Variants in LMO2 observed in about 807,000 individuals in gnomAD.
LMO2 encodes rhombotin-2.
A neutral mutation model predicts 23.2 loss-of-function variants in LMO2; 20 were observed. The ratio of observed to expected loss-of-function variants is 0.86; its 90% CI spans 0.61 to 1.25. The LOEUF (loss-of-function observed/expected upper bound fraction) is 1.25. LMO2 is among the 50% of genes most tolerant of loss of function. The pLI is 0.00. For synonymous variants in LMO2, 123 were observed against 130.2 expected (o/e 0.94, Z 0.38); for missense variants, 270 against 315.3 (o/e 0.86, Z 1.09).
intron 2 of LMO2, among the ~76,000 whole-genome samples, chr11:33,875,223 A>C (rs562774285): frequency 1.3e-5 from 2 of 152,318 alleles, no homozygotes; most frequent in South Asian, 4.1e-4. Context: ...CTTGGAGAGG[A>C]AAGTGGCACA....
intron 2 of LMO2, 102 bp from the exon 3 acceptor site, chr11:33,870,089 T>TA (rs1286039399): frequency 2.2e-5 from 6 of 275,900 alleles, no homozygotes; most frequent in South Asian, 1.5e-4. Context: ...TTTTTTTTTT[T>TA]AAACGGGGCT....
Position 33,869,995 on chromosome 11 carries a change from C to T in LMO2, c.-271-8G>A. On this transcript the variant is annotated splice_region_variant and splice_polypyrimidine_tract_variant and intron_variant, in intron 2 of 5. Transcript: ENST00000257818. ...GGTTTCATTTCCTTTTTCCTGATCA[C>T]GATTCAAATACAATAGAAGGAAATC... The T allele has an allele frequency of 1.0e-6, 1 of 1,003,702 alleles. No individual in the cohort carries two copies. The allele number at this position is 1,003,702 out of a possible 1,614,324, so 62.2% of individuals were successfully genotyped here. A position where few individuals can be genotyped will look rare whatever the true frequency, so the allele number is the denominator to read the frequency against.
In LMO2 at chr11:33,864,687, C is replaced by A. The variant is rs369459140; in HGVS notation, c.379G>T (p.Asp127Tyr). Reference sequence around the variant, plus strand: ...TCACCCAGCCGGCAGCCACAGAGGTCGCAGCTCAGGCAGTCCTCGTGCCAG... The same window carrying A: ...TCACCCAGCCGGCAGCCACAGAGGTAGCAGCTCAGGCAGTCCTCGTGCCAG... ...QYWHEDCLSC[D>Y]LCGCRLGEVG... Residue 127 changes from aspartate to tyrosine, a missense_variant, in exon 5 of 6, where the codon GAC becomes TAC. Asp to Tyr is a radical substitution (Grantham distance 160). Coordinates refer to ENST00000257818, the MANE Select transcript of LMO2 (RefSeq NM_005574.4). This position sits in a 1 kb window ranked among gnomAD's most constrained non-coding sequence, Gnocchi z 4.8. 6.2e-7 allele frequency: 1 copy of A among 1,613,944 alleles called. No homozygotes were observed. The highest frequency in any genetic ancestry group is 8.5e-7 in the Non-Finnish European group (1 of 1,180,048).
At chr11:33,867,635 T>C (rs1342998125) in intron 4 of LMO2, among the ~76,000 whole-genome samples, 1 of 152,220 alleles carries the variant, frequency 6.6e-6, no homozygotes, top group African/African-American at 2.4e-5. Context: ...TCAACTGGCT[T>C]GTCCCTCTTT....
At chr11:33,872,777 T>C (rs1857054962) in intron 2 of LMO2, among the ~76,000 whole-genome samples, 1 of 152,162 alleles carries the variant, frequency 6.6e-6, no homozygotes, top group African/African-American at 2.4e-5. Flanking sequence ...TGTTTGTTTT[T>C]TGAGATGGAG....
intron 2 of LMO2, chr11:33,881,497 C>T (rs371557274): frequency 7.0e-6 from 3 of 427,796 alleles, no homozygotes; most frequent in Admixed American, 4.9e-5. Flanking sequence ...GGGGCTGGCA[C>T]GGAATGGTAG....
At chr11:33,870,032 G>T in intron 2 of LMO2, 45 bp from the exon 3 acceptor site, 2 of 781,336 alleles carry the variant, frequency 2.6e-6, no homozygotes, top group Non-Finnish European at 3.1e-6. Context: ...CATTTAAAGA[G>T]ACAGCTGCCC....
Position 33,869,561 on chromosome 11 carries a change from G to T in LMO2, c.33C>A (p.Arg11=). The part of the protein sequence containing the change: MEGSAVTVLE[R]GGASSPAERR... ...GCTCCGCCGGCGAGCTCGCCCCTCCGCGCTCAAGGACAGTCACCGCGCTCC... is the reference window on the plus strand; with the variant it reads ...GCTCCGCCGGCGAGCTCGCCCCTCCTCGCTCAAGGACAGTCACCGCGCTCC... The change falls in exon 4 of 6, where the codon CGC becomes CGA. Residue 11 remains arginine (R), a synonymous_variant. Transcript: ENST00000257818. The T allele has an allele frequency of 7.7e-7, 1 of 1,291,970 alleles. No homozygotes were observed. The highest frequency in any genetic ancestry group is 2.0e-5 in the South Asian group (1 of 50,592). The allele number at this position is 1,291,970 out of a possible 1,614,324, so 80.0% of individuals were successfully genotyped here. A position where few individuals can be genotyped will look rare whatever the true frequency, so the allele number is the denominator to read the frequency against.
At chr11:33,875,093 C>T (rs1045511448) in intron 2 of LMO2, among the ~76,000 whole-genome samples, 7 of 152,216 alleles carry the variant, frequency 4.6e-5, no homozygotes, top group South Asian at 4.1e-4. Flanking sequence ...CATTCATTGA[C>T]CTTGGGCATG....
At chr11:33,887,222 T>A (rs890048190) in intron 1 of LMO2, among the ~76,000 whole-genome samples, 1 of 152,232 alleles carries the variant, frequency 6.6e-6, no homozygotes, top group Non-Finnish European at 1.5e-5. Context: ...TTTGTAGCTT[T>A]AAGAGAATAT....
chr11:33,872,613 A>G (rs1213136597), intron 2 of LMO2, among the ~76,000 whole-genome samples: 1 of 152,172 alleles, frequency 6.6e-6, no homozygotes, highest in Admixed American at 6.5e-5. Context: ...AAATTTGGAA[A>G]CTATTTCCTG....
chr11:33,861,150 C>T (rs1856564326), intron 5 of LMO2, among the ~76,000 whole-genome samples: 1 of 152,240 alleles, frequency 6.6e-6, no homozygotes, highest in Non-Finnish European at 1.5e-5. Flanking sequence ...TTTAACACAT[C>T]TTGGGTGTAT....
intron 1 of LMO2, among the ~76,000 whole-genome samples, chr11:33,887,418 C>T (rs549568550): frequency 6.6e-6 from 1 of 152,252 alleles, no homozygotes; most frequent in African/African-American, 2.4e-5. Context: ...TGACATATTG[C>T]ACCCACCCAT....
intron 3 of LMO2, 41 bp from the exon 4 acceptor site, chr11:33,869,627 G>A (rs966814897): frequency 4.0e-6 from 5 of 1,259,676 alleles, no homozygotes; most frequent in African/African-American, 3.2e-5. Flanking sequence ...CCGGGCTGCG[G>A]GCGCGCCGCG....
At chr11:33,874,746 C>T (rs956511078) in intron 2 of LMO2, among the ~76,000 whole-genome samples, 1 of 152,238 alleles carries the variant, frequency 6.6e-6, no homozygotes, top group African/African-American at 2.4e-5. Flanking sequence ...GTGCCCATTT[C>T]GGGGCCTGGG....
chr11:33,876,139 T>G (rs1857133225), intron 2 of LMO2, among the ~76,000 whole-genome samples: 2 of 152,208 alleles, frequency 1.3e-5, no homozygotes, highest in Non-Finnish European at 2.9e-5. Context: ...CATTCAGGTC[T>G]CTGTTCAAAT....
chr11:33,892,037 C>A lies in LMO2; in HGVS notation c.-578G>T, dbSNP rs1857568073. The A allele has an allele frequency of 6.6e-6, 1 of 152,244 alleles. No individual in the cohort carries two copies. Among genetic ancestry groups the A allele is most frequent in the Non-Finnish European group, 1.5e-5 (1 of 68,104 alleles). 9.4% of individuals were successfully genotyped at this position (152,244 alleles called of 1,614,324 possible). On this transcript the variant is annotated 5_prime_UTR_variant, in exon 1 of 6. Coordinates refer to ENST00000257818, the MANE Select transcript of LMO2 (RefSeq NM_005574.4). ...ATTTCCTTCTCAATTCTGCTCAAGG[C>A]CCGTTGCTGTTCTTTGAGGATGTTG...
chr11:33,859,417 T>C lies in LMO2; in HGVS notation c.623A>G (p.Asn208Ser). Residue 208 changes from asparagine to serine, a missense_variant, in exon 6 of 6, where the codon AAC (asparagine) becomes AGC (serine). Around this residue, in one of 2 missense-constraint regions of LMO2, gnomAD observed 100 missense variants for 153.3 expected, o/e 0.65. Transcript: ENST00000257818. ...FCVGDRYLLI[N>S]SDIVCEQDIY... ...GTCCTGTTCGCACACTATGTCAGAGTTGATGAGGAGGTATCTGTCACCTAC... is the reference window on the plus strand; with the variant it reads ...GTCCTGTTCGCACACTATGTCAGAGCTGATGAGGAGGTATCTGTCACCTAC... The C allele has an allele frequency of 6.2e-7, 1 of 1,614,010 alleles. No homozygotes were observed. Among genetic ancestry groups the C allele is most frequent in the South Asian group, 1.1e-5 (1 of 91,068 alleles).
Position 33,880,271 on chromosome 11 carries a change from CACATGATAT to C in LMO2, c.-272+1544_-272+1552del, listed in dbSNP as rs201067828. On this transcript the variant is annotated intron_variant, in intron 2 of 5. Coordinates refer to ENST00000257818, the MANE Select transcript of LMO2 (RefSeq NM_005574.4). This position sits in a 1 kb window ranked among gnomAD's most constrained non-coding sequence, Gnocchi z 4.3. The stretch of plus-strand genomic sequence containing the variant: ...ACACATGATATATATATCATACATA[CACATGATAT>C]ATATCATATATATCATATATATACA... 1.5e-3 allele frequency among the ~76,000 whole-genome samples: 205 copies of C among 132,586 alleles called. 1 individual carries two copies. The highest frequency in any genetic ancestry group is 7.0e-3 in the African/African-American group (204 of 29,076). 87.0% of individuals were successfully genotyped at this position (132,586 alleles called of 152,430 possible). A position where few individuals can be genotyped will look rare whatever the true frequency, so the allele number is the denominator to read the frequency against.
Sources: allele counts gnomAD v4.1 joint callset (sites outside exome capture counted in the v4.1 genomes callset), GRCh38; gene constraint gnomAD v4.1.1; regional missense constraint gnomAD v4.1.1; non-coding constraint Gnocchi (gnomAD v3.1); transcripts MANE v1.5; gene names NCBI Gene and HGNC (gene_info 2026-07-23, HGNC 2026-07-21).